RNASE6: variants seen among roughly 807,000 people sequenced by gnomAD.
The protein encoded by RNASE6 is ribonuclease K6.
For synonymous variants in RNASE6, 64 were observed against 63.6 expected (o/e 1.01, Z -0.03); for missense variants, 197 against 181.9 (o/e 1.08, Z -0.48).
rs538937980 is a variant in RNASE6, at chr14:20,782,213, C to A, written c.*61C>A. ...TCTGTTACAATTGCATCCATGTTTTCTTTTCTTTTGTTGATTTTCTTGTTC... is the reference window on the plus strand; with the variant it reads ...TCTGTTACAATTGCATCCATGTTTTATTTTCTTTTGTTGATTTTCTTGTTC... On this transcript the variant is annotated 3_prime_UTR_variant, in exon 2 of 2. Coordinates refer to ENST00000304677, the MANE Select transcript of RNASE6 (RefSeq NM_005615.5). 42 of 1,428,384 alleles carry A rather than the reference C, an allele frequency of 2.9e-5. No homozygotes were observed. In the South Asian group the frequency reaches 5.3e-4, roughly 18 times the overall value. 88.5% of individuals were successfully genotyped at this position (1,428,384 alleles called of 1,614,324 possible).
In RNASE6 at chr14:20,781,846, A is replaced by G; in HGVS notation, c.147A>G (p.Ala49=). Residue 49 remains alanine (A), a synonymous_variant, in exon 2 of 2, where the codon GCA becomes GCG. Coordinates refer to ENST00000304677, the MANE Select transcript of RNASE6 (RefSeq NM_005615.5). ...IQPSPLQCNR[A]MSGINNYTQH... ...CAAGTCCTCTCCAATGCAACAGGGC[A>G]ATGAGTGGCATCAACAATTATACCC... is the stretch of plus-strand genomic sequence containing the variant. The G allele has an allele frequency of 3.1e-6, 5 of 1,614,214 alleles. No individual in the cohort carries two copies. The highest frequency in any genetic ancestry group is 4.2e-6 in the Non-Finnish European group (5 of 1,180,036).
Position 20,781,676 on chromosome 14 carries a change from C to T in RNASE6, c.-5-19C>T. 6.5e-7 allele frequency: 1 copy of T among 1,538,160 alleles called. No homozygotes were observed. The highest frequency in any genetic ancestry group is 8.7e-7 in the Non-Finnish European group (1 of 1,143,086). On this transcript the variant is annotated intron_variant, in intron 1 of 1. Coordinates refer to ENST00000304677, the MANE Select transcript of RNASE6 (RefSeq NM_005615.5). ...TTATTGCTTCTCCTACTATAACTAT[C>T]TTCTCTCTTTCTACACAGAAAAGAT...
Position 20,782,357 on chromosome 14 carries a change from A to G in RNASE6, c.*205A>G, listed in dbSNP as rs112344760. 16 of 574,862 alleles carry G rather than the reference A, an allele frequency of 2.8e-5. No homozygotes were observed. In the African/African-American group the frequency reaches 2.8e-4, roughly 10 times the overall value. 35.6% of individuals were successfully genotyped at this position (574,862 alleles called of 1,614,324 possible). On this transcript the variant is annotated 3_prime_UTR_variant, in exon 2 of 2. Coordinates refer to ENST00000304677, the MANE Select transcript of RNASE6 (RefSeq NM_005615.5). ...TTGTAGTTCTGTACTTTTCGAGAGA[A>G]GGGAATAGGGAAGACAGCAAAGAAA... is the stretch of plus-strand genomic sequence containing the variant.
chr14:20,781,433 A>C, intron 1 of RNASE6, 95 bp downstream of exon 1: 1 of 425,136 alleles, frequency 2.4e-6, no homozygotes, highest in Non-Finnish European at 4.2e-6. Flanking sequence ...AGGAGGGAAG[A>C]GGGAAGAAAC....
chr14:20,781,691 A>C lies in RNASE6; in HGVS notation c.-5-4A>C. The C allele has an allele frequency of 1.3e-6, 2 of 1,574,026 alleles. No individual in the cohort carries two copies. The highest frequency in any genetic ancestry group is 1.7e-6 in the Non-Finnish European group (2 of 1,160,694). ...CTATAACTATCTTCTCTCTTTCTAC[A>C]CAGAAAAGATGGTGCTATGCTTTCC... On this transcript the variant is annotated splice_polypyrimidine_tract_variant and splice_region_variant and intron_variant, in intron 1 of 1. Transcript: ENST00000304677.
rs1370164072 is a variant in RNASE6 at position 20,781,683 on chromosome 14, C to G, written c.-5-12C>G. The stretch of plus-strand genomic sequence containing the variant: ...TTCTCCTACTATAACTATCTTCTCT[C>G]TTTCTACACAGAAAAGATGGTGCTA... On this transcript the variant is annotated splice_polypyrimidine_tract_variant and intron_variant, in intron 1 of 1. Transcript: ENST00000304677. The G allele has an allele frequency of 2.6e-6, 4 of 1,560,468 alleles. No individual in the cohort carries two copies.
Position 20,781,833 on chromosome 14 carries a change from A to G in RNASE6, c.134A>G (p.Gln45Arg), listed in dbSNP as rs1353938217. The change falls in exon 2 of 2, where the codon CAA becomes CGA. Residue 45 changes from glutamine (Q) to arginine (R), a missense_variant. Physicochemically the swap from Gln to Arg is conservative, Grantham distance 43. Coordinates refer to ENST00000304677, the MANE Select transcript of RNASE6 (RefSeq NM_005615.5). ...EIQHIQPSPL[Q>R]CNRAMSGINN... Reference sequence around the variant, plus strand: ...CAGCATATACAGCCAAGTCCTCTCCAATGCAACAGGGCAATGAGTGGCATC... The same window carrying G: ...CAGCATATACAGCCAAGTCCTCTCCGATGCAACAGGGCAATGAGTGGCATC... The G allele has an allele frequency of 6.2e-7, 1 of 1,614,174 alleles. No homozygotes were observed. The highest frequency in any genetic ancestry group is 1.7e-5 in the Admixed American group (1 of 60,008).
In RNASE6 at chr14:20,781,813, T is replaced by C; in HGVS notation, c.114T>C (p.His38=). Reference sequence around the variant, plus strand: ...AGGCTCACTGGTTTGAAATTCAGCATATACAGCCAAGTCCTCTCCAATGCA... The same window carrying C: ...AGGCTCACTGGTTTGAAATTCAGCACATACAGCCAAGTCCTCTCCAATGCA... The part of the protein sequence containing the change: ...LTKAHWFEIQ[H]IQPSPLQCNR... Residue 38 remains histidine, a synonymous_variant, in exon 2 of 2, where the codon CAT becomes CAC. Transcript: ENST00000304677. 6.2e-7 allele frequency: 1 copy of C among 1,614,222 alleles called. No homozygotes were observed. The highest frequency in any genetic ancestry group is 8.5e-7 in the Non-Finnish European group (1 of 1,180,032).
rs555952804 is a variant in RNASE6, at chr14:20,782,274, G to A, written c.*122G>A. On this transcript the variant is annotated 3_prime_UTR_variant, in exon 2 of 2. Transcript: ENST00000304677. Reference sequence around the variant, plus strand: ...AAGAAGAAAGGTGTTTGGAGAATTCGAGTGCCTAGGATGCCAGACCAGAGT... The same window carrying A: ...AAGAAGAAAGGTGTTTGGAGAATTCAAGTGCCTAGGATGCCAGACCAGAGT... 1.2e-4 allele frequency: 111 copies of A among 958,782 alleles called. No individual in the cohort carries two copies. Among genetic ancestry groups the A allele is most frequent in the African/African-American group, 9.7e-4 (59 of 60,644 alleles). The allele number at this position is 958,782 out of a possible 1,614,324, so 59.4% of individuals were successfully genotyped here. A position where few individuals can be genotyped will look rare whatever the true frequency, so the allele number is the denominator to read the frequency against.
rs115122004 is a variant in RNASE6 at position 20,781,985 on chromosome 14, T to C, written c.286T>C (p.Ser96Pro). Residue 96 changes from serine (S) to proline (P), a missense_variant, in exon 2 of 2, where the codon TCA becomes CCA. Transcript: ENST00000304677. ...KNRRHNCHQS[S>P]KPVNMTDCRL... ...TCGTCGGCACAACTGCCACCAGAGC[T>C]CAAAGCCTGTCAACATGACTGACTG... 6.2e-7 allele frequency: 1 copy of C among 1,614,182 alleles called. No individual in the cohort carries two copies. The highest frequency in any genetic ancestry group is 8.5e-7 in the Non-Finnish European group (1 of 1,180,022).
rs913727600 is a variant in RNASE6 at position 20,781,306 on chromosome 14, T to C, written c.-38T>C. On this transcript the variant is annotated 5_prime_UTR_variant, in exon 1 of 2. Coordinates refer to ENST00000304677, the MANE Select transcript of RNASE6 (RefSeq NM_005615.5). Reference sequence around the variant, plus strand: ...TGAGCTTTGGACTAATCACAGCCTCTGTTCTCAGCAGGAGCCCCAACACTG... The same window carrying C: ...TGAGCTTTGGACTAATCACAGCCTCCGTTCTCAGCAGGAGCCCCAACACTG... 5.0e-5 allele frequency: 9 copies of C among 180,744 alleles called. No individual in the cohort carries two copies. The highest frequency in any genetic ancestry group is 2.1e-4 in the African/African-American group (9 of 41,940). The allele number at this position is 180,744 out of a possible 1,614,324, so 11.2% of individuals were successfully genotyped here. A position where few individuals can be genotyped will look rare whatever the true frequency, so the allele number is the denominator to read the frequency against.
chr14:20,782,351 G>C lies in RNASE6; in HGVS notation c.*199G>C. The C allele has an allele frequency of 1.7e-6, 1 of 590,898 alleles. No homozygotes were observed. Among genetic ancestry groups the C allele is most frequent in the South Asian group, 2.4e-5 (1 of 40,956 alleles). The allele number at this position is 590,898 out of a possible 1,614,324, so 36.6% of individuals were successfully genotyped here. ...TCTGCTTTGTAGTTCTGTACTTTTC[G>C]AGAGAAGGGAATAGGGAAGACAGCA... is the stretch of plus-strand genomic sequence containing the variant. On this transcript the variant is annotated 3_prime_UTR_variant, in exon 2 of 2. Coordinates refer to ENST00000304677, the MANE Select transcript of RNASE6 (RefSeq NM_005615.5).
In RNASE6 at chr14:20,781,736, G is replaced by A; in HGVS notation, c.37G>A (p.Val13Ile). 1 of 1,613,744 alleles carries A rather than the reference G, an allele frequency of 6.2e-7. No individual in the cohort carries two copies. Among genetic ancestry groups the A allele is most frequent in the Non-Finnish European group, 8.5e-7 (1 of 1,179,770 alleles). The change falls in exon 2 of 2, where the codon GTT becomes ATT. Residue 13 changes from valine (V) to isoleucine (I), a missense_variant. Val to Ile is a conservative substitution (Grantham distance 29). Coordinates refer to ENST00000304677, the MANE Select transcript of RNASE6 (RefSeq NM_005615.5). ...CTTTCCTCTTCTTTTACTGCTGCTG[G>A]TTCTATGGGGACCAGTGTGTCCACT... Reference protein sequence around the residue: ...LCFPLLLLLLVLWGPVCPLHA... With the variant: ...LCFPLLLLLLILWGPVCPLHA...
In RNASE6 at chr14:20,781,767, C is replaced by T; in HGVS notation, c.68C>T (p.Ala23Val). ...TGGGGACCAGTGTGTCCACTTCATG[C>T]TTGGCCTAAGCGTCTCACCAAGGCT... ...VLWGPVCPLH[A>V]WPKRLTKAHW... Residue 23 changes from alanine to valine, a missense_variant, in exon 2 of 2, where the codon GCT becomes GTT. Ala to Val is a moderately conservative substitution (Grantham distance 64). Coordinates refer to ENST00000304677, the MANE Select transcript of RNASE6 (RefSeq NM_005615.5). The T allele has an allele frequency of 6.2e-7, 1 of 1,614,132 alleles. No individual in the cohort carries two copies. The highest frequency in any genetic ancestry group is 1.3e-5 in the African/African-American group (1 of 75,030).
Position 20,782,385 on chromosome 14 carries a change from T to C in RNASE6, c.*233T>C, listed in dbSNP as rs767569667. ...GAATAGGGAAGACAGCAAAGAAAGA[T>C]TCAGATTTCTAACCCTGCAACTTTT... On this transcript the variant is annotated 3_prime_UTR_variant, in exon 2 of 2. Coordinates refer to ENST00000304677, the MANE Select transcript of RNASE6 (RefSeq NM_005615.5). 1.1e-5 allele frequency: 6 copies of C among 534,456 alleles called. No homozygotes were observed. Among genetic ancestry groups the C allele is most frequent in the Non-Finnish European group, 2.0e-5 (6 of 298,858 alleles). 33.1% of individuals were successfully genotyped at this position (534,456 alleles called of 1,614,324 possible).
chr14:20,781,708 A>G lies in RNASE6; in HGVS notation c.9A>G (p.Leu3=), dbSNP rs1342356692. 3.1e-6 allele frequency: 5 copies of G among 1,606,668 alleles called. No individual in the cohort carries two copies. Among genetic ancestry groups the G allele is most frequent in the Non-Finnish European group, 3.4e-6 (4 of 1,176,168 alleles). The change falls in exon 2 of 2, where the codon CTA becomes CTG. Residue 3 remains leucine (L), a synonymous_variant. Coordinates refer to ENST00000304677, the MANE Select transcript of RNASE6 (RefSeq NM_005615.5). MV[L]CFPLLLLLLV... ...CTTTCTACACAGAAAAGATGGTGCT[A>G]TGCTTTCCTCTTCTTTTACTGCTGC...
In RNASE6 at chr14:20,781,992, C is replaced by T; in HGVS notation, c.293C>T (p.Pro98Leu). 6.2e-7 allele frequency: 1 copy of T among 1,614,226 alleles called. No homozygotes were observed. Among genetic ancestry groups the T allele is most frequent in the Non-Finnish European group, 8.5e-7 (1 of 1,180,032 alleles). The change falls in exon 2 of 2, where the codon CCT becomes CTT. Residue 98 changes from proline to leucine, a missense_variant. Pro to Leu is a moderately conservative substitution (Grantham distance 98). Coordinates refer to ENST00000304677, the MANE Select transcript of RNASE6 (RefSeq NM_005615.5). Reference protein sequence around the residue: ...RRHNCHQSSKPVNMTDCRLTS... With the variant: ...RRHNCHQSSKLVNMTDCRLTS... ...CACAACTGCCACCAGAGCTCAAAGC[C>T]TGTCAACATGACTGACTGCAGACTC...
rs1034958727 is a variant in RNASE6 at position 20,782,342 on chromosome 14, G to A, written c.*190G>A. On this transcript the variant is annotated 3_prime_UTR_variant, in exon 2 of 2. Coordinates refer to ENST00000304677, the MANE Select transcript of RNASE6 (RefSeq NM_005615.5). ...AGATTATTTTCTGCTTTGTAGTTCT[G>A]TACTTTTCGAGAGAAGGGAATAGGG... 6.1e-5 allele frequency: 37 copies of A among 608,382 alleles called. No homozygotes were observed. In the South Asian group the frequency reaches 7.5e-4, roughly 12 times the overall value. 37.7% of individuals were successfully genotyped at this position (608,382 alleles called of 1,614,324 possible).
At position 20,782,281 on chromosome 14, in the gene RNASE6, T is replaced by G; in HGVS notation, c.*129T>G. The G allele has an allele frequency of 1.1e-6, 1 of 885,494 alleles. No individual in the cohort carries two copies. The highest frequency in any genetic ancestry group is 1.7e-6 in the Non-Finnish European group (1 of 579,692). 54.9% of individuals were successfully genotyped at this position (885,494 alleles called of 1,614,324 possible). A position where few individuals can be genotyped will look rare whatever the true frequency, so the allele number is the denominator to read the frequency against. On this transcript the variant is annotated 3_prime_UTR_variant, in exon 2 of 2. Transcript: ENST00000304677. Reference sequence around the variant, plus strand: ...AAGGTGTTTGGAGAATTCGAGTGCCTAGGATGCCAGACCAGAGTTGAGACA... The same window carrying G: ...AAGGTGTTTGGAGAATTCGAGTGCCGAGGATGCCAGACCAGAGTTGAGACA...
Sources: allele counts gnomAD v4.1 joint callset, GRCh38; gene constraint gnomAD v4.1.1; transcripts MANE v1.5; gene names NCBI Gene and HGNC (gene_info 2026-07-23, HGNC 2026-07-21).